PHKB: variants seen among roughly 807,000 people sequenced by gnomAD.
PHKB encodes the protein phosphorylase kinase regulatory subunit beta, also known as phosphorylase b kinase regulatory subunit beta.
PHKB carries 122 observed loss-of-function variants against 152.1 expected under a neutral mutation model. That is an observed-to-expected ratio of 0.80 (90% CI 0.69 to 0.93). The LOEUF (loss-of-function observed/expected upper bound fraction) is 0.93. PHKB is among the 40% of genes least tolerant of loss of function. The pLI, the probability that PHKB is intolerant of heterozygous loss-of-function variation, is 0.00. For synonymous variants in PHKB, 436 were observed against 464.9 expected (o/e 0.94, Z 0.80); for missense variants, 1,304 against 1,328.4 (o/e 0.98, Z 0.29).
At chr16:47,498,150 G>A (rs1597032093) in intron 2 of PHKB, among the ~76,000 whole-genome samples, 1 of 152,140 alleles carries the variant, frequency 6.6e-6, no homozygotes, top group African/African-American at 2.4e-5. Flanking sequence ...CCCCTAAGAT[G>A]ATGGATTTTT....
intron 30 of PHKB, among the ~76,000 whole-genome samples, chr16:47,698,894 A>G (rs542985016): frequency 1.1e-4 from 16 of 152,240 alleles, no homozygotes; most frequent in African/African-American, 3.6e-4. Context: ...TATAAAATTA[A>G]ATTCTGGGGA....
intron 1 of PHKB, among the ~76,000 whole-genome samples, chr16:47,490,683 T>C (rs572092136): frequency 2.0e-5 from 3 of 152,326 alleles, no homozygotes; most frequent in Non-Finnish European, 2.9e-5. Flanking sequence ...TGTTATGAAA[T>C]TGATTTCCAG....
intron 7 of PHKB, among the ~76,000 whole-genome samples, chr16:47,555,616 A>G (rs966609860): frequency 2.6e-5 from 4 of 152,228 alleles, no homozygotes; most frequent in Admixed American, 6.5e-5. Flanking sequence ...TCAATAGCTT[A>G]TAATAGAATA....
At chr16:47,689,814 C>A (rs1226298154) in intron 27 of PHKB, among the ~76,000 whole-genome samples, 1 of 152,126 alleles carries the variant, frequency 6.6e-6, no homozygotes, top group Non-Finnish European at 1.5e-5. Flanking sequence ...AGCTGTCTTC[C>A]ACAAAAGGAA....
At chr16:47,627,228 C>T (rs921541011) in intron 14 of PHKB, among the ~76,000 whole-genome samples, 7 of 152,142 alleles carry the variant, frequency 4.6e-5, no homozygotes, top group African/African-American at 9.7e-5. Context: ...ATGGCGTTCT[C>T]GTCATTTGTT....
intron 26 of PHKB, 65 bp downstream of exon 26, chr16:47,669,482 C>T: frequency 3.5e-6 from 5 of 1,418,734 alleles, no homozygotes; most frequent in Non-Finnish European, 5.0e-6. Flanking sequence ...CAGACCCGGC[C>T]TCTCCAAGTG....
chr16:47,487,301 A>G (rs1970065092), intron 1 of PHKB, among the ~76,000 whole-genome samples: 1 of 152,206 alleles, frequency 6.6e-6, no homozygotes, highest in Admixed American at 6.5e-5. Context: ...TCTATTATCT[A>G]AGCTATTTGT....
At chr16:47,553,968 T>C (rs138144960) in intron 7 of PHKB, among the ~76,000 whole-genome samples, 1 of 152,288 alleles carries the variant, frequency 6.6e-6, no homozygotes, top group Non-Finnish European at 1.5e-5. Flanking sequence ...GTATGAGATA[T>C]CTGTCGGCCC....
chr16:47,481,262 A>C (rs1158147616), intron 1 of PHKB, among the ~76,000 whole-genome samples: 1 of 152,188 alleles, frequency 6.6e-6, no homozygotes, highest in Non-Finnish European at 1.5e-5. Flanking sequence ...ATTTTTCTTG[A>C]AGACTTATTA....
chr16:47,667,219 G>A (rs1281102565), intron 25 of PHKB, among the ~76,000 whole-genome samples: 1 of 151,830 alleles, frequency 6.6e-6, no homozygotes, highest in Non-Finnish European at 1.5e-5. Flanking sequence ...ATCACTTGAG[G>A]CCAGGAATTC....
rs370803363 is a variant in PHKB at position 47,541,527 on chromosome 16, G to A, written c.595-5906G>A. On this transcript the variant is annotated intron_variant, in intron 6 of 30. Coordinates refer to ENST00000323584, the MANE Select transcript of PHKB (RefSeq NM_000293.3). ...GAATATACCCAGTAATGGGATGGCT[G>A]GGTCAAATGGTATTTCTAGTTCTAG... is the stretch of plus-strand genomic sequence containing the variant. Among the ~76,000 whole-genome samples the A allele has an allele frequency of 4.6e-5, 7 of 152,272 alleles. No homozygotes were observed. The South Asian group carries it at 1.2e-3, about 27-fold the overall frequency.
chr16:47,470,495 C>T (rs1006711566), intron 1 of PHKB, among the ~76,000 whole-genome samples: 8 of 152,188 alleles, frequency 5.3e-5, no homozygotes, highest in African/African-American at 4.8e-5. Context: ...CCATCATGAA[C>T]GTATCGCAGT....
chr16:47,621,253 A>T (rs900844008), intron 14 of PHKB, among the ~76,000 whole-genome samples: 1 of 152,192 alleles, frequency 6.6e-6, no homozygotes, highest in African/African-American at 2.4e-5. Context: ...CCCAGTCGCC[A>T]GACTGTAGGG....
intron 14 of PHKB, among the ~76,000 whole-genome samples, chr16:47,615,744 C>T (rs917616347): frequency 6.6e-6 from 1 of 152,164 alleles, no homozygotes; most frequent in African/African-American, 2.4e-5. Flanking sequence ...CCATCTTGTT[C>T]CTACTTCCAA....
intron 1 of PHKB, among the ~76,000 whole-genome samples, chr16:47,466,763 T>C (rs1969676018): frequency 6.6e-6 from 1 of 152,218 alleles, no homozygotes; most frequent in African/African-American, 2.4e-5. Context: ...TATTGTTTTT[T>C]TTAAGGAATT....
intron 14 of PHKB, among the ~76,000 whole-genome samples, chr16:47,634,773 A>G (rs1463389734): frequency 6.6e-6 from 1 of 152,220 alleles, no homozygotes; most frequent in Non-Finnish European, 1.5e-5. Context: ...AACATGGTGA[A>G]GAAGAGAAGG....
intron 27 of PHKB, among the ~76,000 whole-genome samples, chr16:47,692,118 T>C (rs920546591): frequency 2.0e-5 from 3 of 152,212 alleles, no homozygotes; most frequent in Admixed American, 1.3e-4. Flanking sequence ...AGAAATTTTA[T>C]GTATCCAAAA....
At chr16:47,645,172 A>G (rs1196214775) in intron 16 of PHKB, among the ~76,000 whole-genome samples, 1 of 150,506 alleles carries the variant, frequency 6.6e-6, no homozygotes, top group East Asian at 2.0e-4. Context: ...TTGCCTGTTC[A>G]CTCTGATGGT....
intron 25 of PHKB, among the ~76,000 whole-genome samples, chr16:47,667,241 G>C (rs1973554736): frequency 6.6e-6 from 1 of 151,764 alleles, no homozygotes; most frequent in African/African-American, 2.4e-5. Flanking sequence ...AGACCAGCCT[G>C]AGCACATAGC....
Sources: gnomAD v4.1 joint callset for allele counts (sites outside exome capture counted in the v4.1 genomes callset) on GRCh38, gnomAD v4.1.1 for gene constraint, MANE v1.5 for transcripts, NCBI Gene and HGNC (gene_info 2026-07-23, HGNC 2026-07-21) for gene names.